The following PLEKHG1 variants were observed in gnomAD, a reference collection of about 807,000 sequenced individuals.
PLEKHG1 encodes pleckstrin homology and RhoGEF domain containing G1.
In PLEKHG1, 44 loss-of-function variants were observed where a neutral mutation model predicts 100.8. The ratio of observed to expected loss-of-function variants is 0.44; its 90% CI spans 0.34 to 0.56. The LOEUF (loss-of-function observed/expected upper bound fraction) is 0.56. Among genes scored for constraint, PLEKHG1 ranks in the 20% least tolerant of loss-of-function variants. The pLI is 0.01. For missense variants in PLEKHG1, 1,545 were observed against 1,720.9 expected (o/e 0.90, Z 1.81); for synonymous variants, 640 against 662.5 (o/e 0.97, Z 0.52).
At chr6:150,795,163 C>T (rs1040335574) in intron 4 of PLEKHG1, among the ~76,000 whole-genome samples, 34 of 151,908 alleles carry the variant, frequency 2.2e-4, no homozygotes, top group Non-Finnish European at 4.4e-4. Context: ...CTGAGGCAGG[C>T]GGATAACTTG....
At chr6:150,779,357 T>TTTTTTTTTTTA (rs1562511517) in intron 3 of PLEKHG1, among the ~76,000 whole-genome samples, 1,877 of 147,208 alleles carry the variant, frequency 0.013, 83 homozygotes, top group African/African-American at 0.046. Context: ...TTTTTTTTTT[T>TTTTTTTTTTTA]TTTTTTGAGA....
intron 2 of PLEKHG1, among the ~76,000 whole-genome samples, chr6:150,751,274 C>CT (rs66700466): frequency 2.0e-5 from 3 of 149,126 alleles, no homozygotes; most frequent in East Asian, 2.0e-4. Context: ...GGAATGAATA[C>CT]TTTTTTTTTT....
chr6:150,605,301 T>C (rs1423015048), intron 1 of PLEKHG1, among the ~76,000 whole-genome samples: 4 of 152,186 alleles, frequency 2.6e-5, no homozygotes, highest in Non-Finnish European at 4.4e-5. Flanking sequence ...CGATACACAG[T>C]GTAGCAGAGT....
chr6:150,725,242 C>T (rs995493084), intron 1 of PLEKHG1, among the ~76,000 whole-genome samples: 47 of 152,158 alleles, frequency 3.1e-4, no homozygotes, highest in African/African-American at 1.1e-3. Context: ...GGGCATTAAT[C>T]TCATTCATGA....
At chr6:150,643,380 G>GT (rs1778353819) in intron 2 of PLEKHG1, among the ~76,000 whole-genome samples, 1 of 152,118 alleles carries the variant, frequency 6.6e-6, no homozygotes, top group Admixed American at 6.6e-5. Context: ...TAATAATGTA[G>GT]TAAGAACCTC....
intron 1 of PLEKHG1, among the ~76,000 whole-genome samples, chr6:150,622,494 C>T (rs965857891): frequency 2.4e-4 from 36 of 152,222 alleles, no homozygotes; most frequent in East Asian, 1.9e-4. Context: ...GAGCCACCTC[C>T]GGAATTCTCC....
intron 3 of PLEKHG1, among the ~76,000 whole-genome samples, chr6:150,707,516 G>A (rs752197352): frequency 1.3e-5 from 2 of 152,144 alleles, no homozygotes; most frequent in Non-Finnish European, 2.9e-5. Flanking sequence ...GGATGGTGAG[G>A]ACTGTGGCAC....
chr6:150,759,727 G>T (rs753481715), intron 2 of PLEKHG1, among the ~76,000 whole-genome samples: 3 of 152,162 alleles, frequency 2.0e-5, no homozygotes, highest in Non-Finnish European at 4.4e-5. Flanking sequence ...GATGATTGCC[G>T]GGTGTGGTAG....
chr6:150,701,468 A>G (rs866432346), intron 3 of PLEKHG1, among the ~76,000 whole-genome samples: 11 of 44,096 alleles, frequency 2.5e-4, no homozygotes, highest in South Asian at 1.8e-3. Flanking sequence ...TATATATATA[A>G]TTATACTTTA....
chr6:150,609,913 C>T (rs1245711937), intron 1 of PLEKHG1, among the ~76,000 whole-genome samples: 1 of 152,144 alleles, frequency 6.6e-6, no homozygotes, highest in Non-Finnish European at 1.5e-5. Context: ...TGTTCACGGT[C>T]GCCGTTTCCC....
At chr6:150,778,773 G>A (rs1785130721) in intron 3 of PLEKHG1, among the ~76,000 whole-genome samples, 1 of 152,148 alleles carries the variant, frequency 6.6e-6, no homozygotes, top group Non-Finnish European at 1.5e-5. Flanking sequence ...ACAGCTTCAT[G>A]GGGATGATAG....
At chr6:150,671,877 T>C (rs1779597623) in intron 3 of PLEKHG1, among the ~76,000 whole-genome samples, 1 of 152,184 alleles carries the variant, frequency 6.6e-6, no homozygotes, top group African/African-American at 2.4e-5. Context: ...TTGCACAGCC[T>C]TGCAGACCAT....
rs1355434030 is a variant in PLEKHG1, at chr6:150,600,927, T to G, written c.-204+910T>G. ...CAGCTCTGGTCCTCAAGGCGCCCTT[T>G]GTACCACCCGCAGGTGGCCGAGGCT... is the stretch of plus-strand genomic sequence containing the variant. On this transcript the variant is annotated intron_variant, in intron 1 of 3. Coordinates refer to the PLEKHG1 transcript ENST00000367326. The surrounding 1 kb of genome is among the most constrained non-coding windows in gnomAD (Gnocchi z 6.2). 6.6e-5 allele frequency: 10 copies of G among 152,258 alleles called. No homozygotes were observed. Among genetic ancestry groups the G allele is most frequent in the Admixed American group, 6.5e-4 (10 of 15,292 alleles). 9.4% of individuals were successfully genotyped at this position (152,258 alleles called of 1,614,324 possible). A position where few individuals can be genotyped will look rare whatever the true frequency, so the allele number is the denominator to read the frequency against.
intron 3 of PLEKHG1, among the ~76,000 whole-genome samples, chr6:150,701,944 G>C (rs1780807312): frequency 1.3e-5 from 2 of 152,104 alleles, no homozygotes; most frequent in South Asian, 4.1e-4. Flanking sequence ...TGTCAAATGA[G>C]ACGGTTCCCC....
chr6:150,821,576 T>C (rs935144042), intron 13 of PLEKHG1, among the ~76,000 whole-genome samples: 4 of 151,636 alleles, frequency 2.6e-5, no homozygotes, highest in African/African-American at 9.7e-5. Context: ...CCCAGCTACT[T>C]GGGAGGCTGA....
intron 3 of PLEKHG1, among the ~76,000 whole-genome samples, chr6:150,694,709 A>T (rs1780479767): frequency 6.6e-6 from 1 of 151,472 alleles, no homozygotes; most frequent in South Asian, 2.1e-4. Context: ...AAAAAAAAAA[A>T]AATAAAAATA....
chr6:150,745,126 C>G (rs1267459056), intron 2 of PLEKHG1, among the ~76,000 whole-genome samples: 2 of 152,136 alleles, frequency 1.3e-5, no homozygotes, highest in African/African-American at 4.8e-5. Context: ...CTTACAAAAC[C>G]TAGATTGTAC....
chr6:150,840,479 A>C, exon 16 of PLEKHG1: 1 of 1,614,218 alleles, frequency 6.2e-7, no homozygotes, highest in Non-Finnish European at 8.5e-7. Flanking sequence ...ACTCACAGAA[A>C]GTTGTGGTGG....
intron 2 of PLEKHG1, among the ~76,000 whole-genome samples, chr6:150,767,067 T>C (rs897444506): frequency 2.0e-5 from 3 of 152,224 alleles, no homozygotes; most frequent in Non-Finnish European, 2.9e-5. Context: ...TCACTGCACA[T>C]TGAGTATTAG....
Sources: allele counts gnomAD v4.1 joint callset (sites outside exome capture counted in the v4.1 genomes callset), GRCh38; gene constraint gnomAD v4.1.1; non-coding constraint Gnocchi (gnomAD v3.1); transcripts MANE v1.5; gene names NCBI Gene and HGNC (gene_info 2026-07-23, HGNC 2026-07-21).